KCNB2: variants seen among roughly 807,000 people sequenced by gnomAD.
KCNB2 encodes the protein delayed rectifier potassium channel protein.
A neutral mutation model predicts 61.5 loss-of-function variants in KCNB2; 15 were observed. That is an observed-to-expected ratio of 0.24 (90% CI 0.16 to 0.38). The LOEUF (loss-of-function observed/expected upper bound fraction) is 0.38. Among genes scored for constraint, KCNB2 ranks in the 10% least tolerant of loss-of-function variants. The probability of loss-of-function intolerance (pLI) is 1.00; values close to 1 mark genes in which losing one functional copy is unlikely to be tolerated. For missense variants in KCNB2, 828 were observed against 1,125.2 expected, an observed-to-expected ratio of 0.74 and a Z score of 3.78; for synonymous variants, 457 against 446.0, an observed-to-expected ratio of 1.02 and a Z score of -0.31.
intron 2 of KCNB2, among the ~76,000 whole-genome samples, chr8:72,668,151 C>G (rs1806508184): frequency 6.6e-6 from 1 of 152,210 alleles, no homozygotes. Context: ...ACACATAGCA[C>G]TTAATTCTCC....
chr8:72,643,418 A>G (rs1179088958), intron 2 of KCNB2, among the ~76,000 whole-genome samples: 1 of 152,034 alleles, frequency 6.6e-6, no homozygotes, highest in African/African-American at 2.4e-5. Context: ...TCAACTCCTA[A>G]TCTAGACTGA....
At chr8:72,634,154 A>G (rs1805930231) in intron 2 of KCNB2, among the ~76,000 whole-genome samples, 1 of 152,232 alleles carries the variant, frequency 6.6e-6, no homozygotes, top group African/African-American at 2.4e-5. Context: ...GAAAACTTGA[A>G]GTATTTTGGA....
chr8:72,676,817 C>T (rs1042738673), intron 2 of KCNB2, among the ~76,000 whole-genome samples: 1 of 152,058 alleles, frequency 6.6e-6, no homozygotes, highest in Non-Finnish European at 1.5e-5. Context: ...GATCCCACTA[C>T]CACCGCTAAC....
intron 2 of KCNB2, among the ~76,000 whole-genome samples, chr8:72,630,426 T>G (rs1477414039): frequency 2.0e-5 from 3 of 152,216 alleles, no homozygotes; most frequent in Non-Finnish European, 4.4e-5. Context: ...TCTTCAATCT[T>G]ATATGTTTAG....
chr8:72,817,893 A>G (rs1335851834), intron 2 of KCNB2, among the ~76,000 whole-genome samples: 1 of 152,182 alleles, frequency 6.6e-6, no homozygotes, highest in Non-Finnish European at 1.5e-5. Flanking sequence ...ATAACATTAA[A>G]TAAATAATTT....
chr8:72,538,665 C>T (rs945221672), intron 1 of KCNB2, among the ~76,000 whole-genome samples: 1 of 151,822 alleles, frequency 6.6e-6, no homozygotes, highest in Non-Finnish European at 1.5e-5. Context: ...TATGCACATA[C>T]ACTGGGTTAA....
intron 2 of KCNB2, among the ~76,000 whole-genome samples, chr8:72,727,858 C>G (rs918057996): frequency 6.6e-6 from 1 of 152,128 alleles, no homozygotes; most frequent in Non-Finnish European, 1.5e-5. Flanking sequence ...ATTACAGATT[C>G]TTTAGCTATT....
At chr8:72,586,565 A>C (rs1202886146) in intron 2 of KCNB2, among the ~76,000 whole-genome samples, 1 of 152,254 alleles carries the variant, frequency 6.6e-6, no homozygotes, top group African/African-American at 2.4e-5. Context: ...GATGTCTGGG[A>C]AACAGACAAG....
chr8:72,857,994 G>A (rs1382629750), intron 2 of KCNB2, among the ~76,000 whole-genome samples: 1 of 152,124 alleles, frequency 6.6e-6, no homozygotes, highest in Non-Finnish European at 1.5e-5. Context: ...ATTTTACTTA[G>A]CTGATGTTTA....
intron 2 of KCNB2, among the ~76,000 whole-genome samples, chr8:72,864,730 A>G (rs1234670659): frequency 2.6e-5 from 4 of 152,222 alleles, no homozygotes; most frequent in Non-Finnish European, 5.9e-5. Flanking sequence ...CATGTTATAT[A>G]GAGTGCATTC....
chr8:72,607,932 CTCA>C (rs1805479032), intron 2 of KCNB2, among the ~76,000 whole-genome samples: 1 of 152,152 alleles, frequency 6.6e-6, no homozygotes, highest in African/African-American at 2.4e-5. Flanking sequence ...AATTCATCCA[CTCA>C]TCATTATTAA....
At position 72,726,742 on chromosome 8, in the gene KCNB2, A is replaced by G. The variant is rs566219021; in HGVS notation, c.579+158429A>G. 1.1e-4 allele frequency among the ~76,000 whole-genome samples: 16 copies of G among 152,294 alleles called. No homozygotes were observed. The South Asian group carries it at 3.1e-3, about 30-fold the overall frequency. ...CATTTTAAATATTTTTTACTTTTGT[A>G]ATCAGGAAAATCAATTAAGAGATTT... On this transcript the variant is annotated intron_variant, in intron 2 of 2. Coordinates refer to ENST00000523207, the MANE Select transcript of KCNB2 (RefSeq NM_004770.3).
chr8:72,595,974 G>A (rs1807182774), intron 2 of KCNB2, among the ~76,000 whole-genome samples: 1 of 152,116 alleles, frequency 6.6e-6, no homozygotes, highest in Non-Finnish European at 1.5e-5. Flanking sequence ...TCCAGAAAAA[G>A]CTTCCTGACT....
intron 2 of KCNB2, among the ~76,000 whole-genome samples, chr8:72,867,419 G>A (rs1308650571): frequency 6.6e-6 from 1 of 152,190 alleles, no homozygotes; most frequent in Non-Finnish European, 1.5e-5. Flanking sequence ...GAGCAGAGGC[G>A]GGTGGATTGC....
At chr8:72,661,814 T>G (rs1806385519) in intron 2 of KCNB2, among the ~76,000 whole-genome samples, 1 of 152,226 alleles carries the variant, frequency 6.6e-6, no homozygotes, top group South Asian at 2.1e-4. Context: ...TGTTTAGATT[T>G]CTTTTCTCAA....
At chr8:72,820,409 A>G (rs1809477485) in intron 2 of KCNB2, among the ~76,000 whole-genome samples, 1 of 152,168 alleles carries the variant, frequency 6.6e-6, no homozygotes, top group Admixed American at 6.6e-5. Flanking sequence ...TTGCACAATG[A>G]ATTTCTCTAA....
At chr8:72,703,676 T>C (rs1331974612) in intron 2 of KCNB2, among the ~76,000 whole-genome samples, 1 of 152,128 alleles carries the variant, frequency 6.6e-6, no homozygotes, top group Non-Finnish European at 1.5e-5. Context: ...GGAGAGAAGC[T>C]GGGCCATGCC....
At chr8:72,858,623 A>T (rs1252210743) in intron 2 of KCNB2, among the ~76,000 whole-genome samples, 1 of 152,248 alleles carries the variant, frequency 6.6e-6, no homozygotes, top group East Asian at 1.9e-4. Context: ...TTGACGCTGT[A>T]GTCATGACCC....
intron 2 of KCNB2, among the ~76,000 whole-genome samples, chr8:72,682,248 C>T (rs1462738314): frequency 2.0e-5 from 3 of 152,234 alleles, no homozygotes; most frequent in Admixed American, 6.5e-5. Context: ...ACCTAACATA[C>T]GTAGCATAGT....
Sources: allele counts gnomAD v4.1 joint callset (sites outside exome capture counted in the v4.1 genomes callset), GRCh38; gene constraint gnomAD v4.1.1; transcripts MANE v1.5; gene names NCBI Gene and HGNC (gene_info 2026-07-23, HGNC 2026-07-21).